Variants in KIAA1549L observed in about 807,000 individuals in gnomAD.
KIAA1549L encodes the protein UPF0606 protein KIAA1549L.
In KIAA1549L, 88 loss-of-function variants were observed where a neutral mutation model predicts 160.7. The observed-to-expected ratio is 0.55, with a 90% CI of 0.46 to 0.65. The LOEUF (loss-of-function observed/expected upper bound fraction) is 0.65. KIAA1549L is among the 30% of genes least tolerant of loss of function. The pLI is 0.00. For missense variants in KIAA1549L, 2,258 were observed against 2,437.5 expected, an observed-to-expected ratio of 0.93 and a Z score of 1.55; for synonymous variants, 950 against 976.7, an observed-to-expected ratio of 0.97 and a Z score of 0.51.
chr11:33,510,786 T>C (rs1853211194), intron 1 of KIAA1549L, among the ~76,000 whole-genome samples: 1 of 152,208 alleles, frequency 6.6e-6, no homozygotes, highest in Admixed American at 6.5e-5. Context: ...CCAGTGGGTG[T>C]TCCTCAGAGT....
At chr11:33,643,398 G>A (rs1314968563) in intron 16 of KIAA1549L, among the ~76,000 whole-genome samples, 1 of 152,160 alleles carries the variant, frequency 6.6e-6, no homozygotes, top group Non-Finnish European at 1.5e-5. Context: ...TTGCTAAGGA[G>A]TATGCTTTTG....
chr11:33,498,343 T>A (rs935631709), intron 1 of KIAA1549L, among the ~76,000 whole-genome samples: 1 of 152,188 alleles, frequency 6.6e-6, no homozygotes, highest in African/African-American at 2.4e-5. Context: ...TCAGTGGTGG[T>A]TCCTGCTCTC....
Position 33,543,971 on chromosome 11 carries a change from C to A in KIAA1549L, c.2408C>A (p.Pro803His), listed in dbSNP as rs770056372. ...GTTGGAAGCCATATAGACCTCTGGC[C>A]CACAAGCAATAACAACCATTCCAGA... ...TMVGSHIDLW[P>H]TSNNNHSRDF... is the part of the protein sequence containing the mutation. The change falls in exon 2 of 21, where the codon CCC becomes CAC. Residue 803 changes from proline (P) to histidine (H), a missense_variant. Around this residue, in one of 6 missense-constraint regions of KIAA1549L, gnomAD observed 287 missense variants for 292.3 expected, o/e 0.98. Transcript: ENST00000658780. The A allele has an allele frequency of 3.1e-6, 5 of 1,613,946 alleles. No homozygotes were observed. Among genetic ancestry groups the A allele is most frequent in the Non-Finnish European group, 2.5e-6 (3 of 1,179,882 alleles).
intron 9 of KIAA1549L, among the ~76,000 whole-genome samples, chr11:33,568,521 C>A (rs1004668284): frequency 3.3e-5 from 5 of 152,188 alleles, no homozygotes; most frequent in African/African-American, 7.2e-5. Context: ...ACAAAAAATT[C>A]TTGGTAAGCA....
chr11:33,649,527 AGAAG>A (rs1564941082), intron 17 of KIAA1549L, among the ~76,000 whole-genome samples: 39 of 142,220 alleles, frequency 2.7e-4, no homozygotes, highest in African/African-American at 9.9e-4. Context: ...AAAAAAAAAA[AGAAG>A]CAGCAGCAGC....
intron 9 of KIAA1549L, among the ~76,000 whole-genome samples, chr11:33,568,962 T>G (rs1855149830): frequency 6.6e-6 from 1 of 152,206 alleles, no homozygotes; most frequent in Non-Finnish European, 1.5e-5. Flanking sequence ...AATGTATGTT[T>G]TAGATCATTT....
rs540641704 is a variant in KIAA1549L, at chr11:33,435,224, A to C, written c.238+58335A>C. 3.9e-4 allele frequency among the ~76,000 whole-genome samples: 60 copies of C among 152,348 alleles called. No individual in the cohort carries two copies. In the South Asian group the frequency reaches 8.7e-3, roughly 22 times the overall value. On this transcript the variant is annotated intron_variant, in intron 1 of 20. Transcript: ENST00000658780. ...GGTGTTTCTGATTTGCAAAGTAAGAAGAATTGCCTTGTATCTAGCTAATTA... is the reference window on the plus strand; with the variant it reads ...GGTGTTTCTGATTTGCAAAGTAAGACGAATTGCCTTGTATCTAGCTAATTA...
At chr11:33,395,425 C>G (rs1850354148) in intron 1 of KIAA1549L, among the ~76,000 whole-genome samples, 1 of 152,154 alleles carries the variant, frequency 6.6e-6, no homozygotes, top group Non-Finnish European at 1.5e-5. Context: ...TTTCTCTTCT[C>G]TCTAATTTTC....
chr11:33,574,931 T>C lies in KIAA1549L; in HGVS notation c.4402+58T>C, dbSNP rs181278648. 6 of 1,433,702 alleles carry C rather than the reference T, an allele frequency of 4.2e-6. No individual in the cohort carries two copies. In the East Asian group the frequency reaches 6.9e-5, roughly 16 times the overall value. 88.8% of individuals were successfully genotyped at this position (1,433,702 alleles called of 1,614,324 possible). A position where few individuals can be genotyped will look rare whatever the true frequency, so the allele number is the denominator to read the frequency against. ...AATGCCATTAAATGTTTCCTGAAAATCAAAATGATTCCCCAAAATCATGTT... is the reference window on the plus strand; with the variant it reads ...AATGCCATTAAATGTTTCCTGAAAACCAAAATGATTCCCCAAAATCATGTT... On this transcript the variant is annotated intron_variant, in intron 10 of 20. Transcript: ENST00000658780.
chr11:33,380,829 T>C (rs370289523), intron 1 of KIAA1549L, among the ~76,000 whole-genome samples: 126 of 152,240 alleles, frequency 8.3e-4, no homozygotes, highest in African/African-American at 2.9e-3. Context: ...AGTTTTGACC[T>C]GGGACGTCCT....
chr11:33,466,777 A>G (rs1417374901), intron 1 of KIAA1549L, among the ~76,000 whole-genome samples: 1 of 152,240 alleles, frequency 6.6e-6, no homozygotes, highest in Non-Finnish European at 1.5e-5. Context: ...ACTATGGAAT[A>G]CTATGCAGCC....
intron 1 of KIAA1549L, among the ~76,000 whole-genome samples, chr11:33,516,141 T>TGAGATGTGATCAGC (rs1590303060): frequency 4.0e-5 from 2 of 49,506 alleles, no homozygotes; most frequent in African/African-American, 1.2e-4. Flanking sequence ...AGGTGATTCT[T>TGAGATGTGATCAGC]TTTTTTTTTT....
intron 1 of KIAA1549L, among the ~76,000 whole-genome samples, chr11:33,492,551 A>G (rs1852702684): frequency 6.6e-6 from 1 of 152,136 alleles, no homozygotes; most frequent in South Asian, 2.1e-4. Flanking sequence ...TCGCACAGGT[A>G]ATAGTCCTGG....
chr11:33,506,189 C>A (rs1417955012), intron 1 of KIAA1549L, among the ~76,000 whole-genome samples: 1 of 152,164 alleles, frequency 6.6e-6, no homozygotes, highest in Non-Finnish European at 1.5e-5. Flanking sequence ...AGCTCTGCAC[C>A]TGAAGTTAGG....
In KIAA1549L at chr11:33,598,190, TTGTGTG is replaced by T. The variant is rs57343190; in HGVS notation, c.4752-596_4752-591del. ...AGTTAGAGAGTTAGAGAGAGAATGT[TTGTGTG>T]TGTGTGTGTGTGTGTGTGTGTGTGT... On this transcript the variant is annotated intron_variant, in intron 12 of 20. Transcript: ENST00000658780. Among the ~76,000 whole-genome samples, 264 of 135,190 alleles carry T rather than the reference TTGTGTG, an allele frequency of 2.0e-3. 3 individuals are homozygous for T. Among genetic ancestry groups the T allele is most frequent in the East Asian group, 6.3e-3 (28 of 4,428 alleles). The allele number at this position is 135,190 out of a possible 152,430, so 88.7% of individuals were successfully genotyped here.
In KIAA1549L at chr11:33,544,911, C is replaced by T. The variant is rs1230225241; in HGVS notation, c.2918C>T (p.Ala973Val). 8 of 1,613,336 alleles carry T rather than the reference C, an allele frequency of 5.0e-6. No homozygotes were observed. The highest frequency in any genetic ancestry group is 6.8e-6 in the Non-Finnish European group (8 of 1,179,618). ...SSPLAVASGP[A>V]KSSSMTTLAK... The stretch of plus-strand genomic sequence containing the variant: ...CCTTTGGCCGTGGCCTCAGGACCAG[C>T]TAAGAGCAGTTCGATGACTACTCTT... The change falls in exon 3 of 21, where the codon GCT becomes GTT. Residue 973 changes from alanine to valine, a missense_variant. By Grantham distance (64) the Ala-to-Val change is moderately conservative. This residue lies in a region of KIAA1549L where 1,359 missense variants were observed against 1,546.6 expected (regional missense o/e 0.88). Coordinates refer to ENST00000658780, the MANE Select transcript of KIAA1549L (RefSeq NM_012194.3).
chr11:33,559,017 T>A (rs75823197), intron 6 of KIAA1549L, among the ~76,000 whole-genome samples: 1 of 151,842 alleles, frequency 6.6e-6, no homozygotes, highest in Non-Finnish European at 1.5e-5. Flanking sequence ...TATTTTTTTT[T>A]AGTAGAGATG....
intron 15 of KIAA1549L, among the ~76,000 whole-genome samples, chr11:33,616,452 G>A (rs1850810957): frequency 1.3e-5 from 2 of 152,174 alleles, no homozygotes; most frequent in Admixed American, 1.3e-4. Flanking sequence ...GATTGGTCCA[G>A]CCTGAATCAC....
rs146964944 is a variant in KIAA1549L at position 33,388,775 on chromosome 11, C to T, written c.238+11886C>T. On this transcript the variant is annotated intron_variant, in intron 1 of 20. Coordinates refer to ENST00000658780, the MANE Select transcript of KIAA1549L (RefSeq NM_012194.3). The stretch of plus-strand genomic sequence containing the variant: ...CCTAGAGTTAAAATATCTCCTTAGA[C>T]GGTTCTGCCCATTTTCCTTTACTCC... Among the ~76,000 whole-genome samples the T allele has an allele frequency of 5.9e-3, 900 of 152,282 alleles. 2 individuals carry two copies. Among genetic ancestry groups the T allele is most frequent in the South Asian group, 1.0e-2 (48 of 4,816 alleles).
Sources: gnomAD v4.1 joint callset for allele counts (sites outside exome capture counted in the v4.1 genomes callset) on GRCh38, gnomAD v4.1.1 for gene constraint, gnomAD v4.1.1 regional missense constraint, MANE v1.5 for transcripts, NCBI Gene and HGNC (gene_info 2026-07-23, HGNC 2026-07-21) for gene names.